The following UPP2 variants were observed in gnomAD, a reference collection of about 807,000 sequenced individuals.
The protein encoded by UPP2 is UPase 2.
UPP2 carries 23 observed loss-of-function variants against 26.7 expected under a neutral mutation model. The ratio of observed to expected loss-of-function variants is 0.86; its 90% CI spans 0.62 to 1.22. The LOEUF is 1.22. Among genes scored for constraint, UPP2 ranks in the 50% most tolerant of loss-of-function variants. The pLI is 0.00. For missense variants in UPP2, 387 were observed against 396.7 expected, an observed-to-expected ratio of 0.98 and a Z score of 0.21; for synonymous variants, 127 against 141.3, an observed-to-expected ratio of 0.90 and a Z score of 0.72.
At chr2:158,032,257 A>G (rs773959411) in intron 3 of UPP2, among the ~76,000 whole-genome samples, 1 of 152,196 alleles carries the variant, frequency 6.6e-6, no homozygotes, top group African/African-American at 2.4e-5. Flanking sequence ...GGAGTGGGTC[A>G]GGATGAAGTC....
chr2:158,063,601 C>CT (rs5835686), intron 3 of UPP2, among the ~76,000 whole-genome samples: 17 of 148,042 alleles, frequency 1.1e-4, no homozygotes, highest in South Asian at 2.1e-4. Flanking sequence ...ATTTTCTTTT[C>CT]TTTTTTTTTT....
intron 3 of UPP2, among the ~76,000 whole-genome samples, chr2:158,064,581 C>G (rs1219495875): frequency 6.6e-6 from 1 of 152,104 alleles, no homozygotes; most frequent in Non-Finnish European, 1.5e-5. Flanking sequence ...TGCAGAAGCT[C>G]TTTAGTTTAA....
chr2:158,070,753 C>A (rs773976409), intron 3 of UPP2, among the ~76,000 whole-genome samples: 1 of 152,208 alleles, frequency 6.6e-6, no homozygotes, highest in Non-Finnish European at 1.5e-5. Context: ...AACTTTATAT[C>A]ATTGAAAGAG....
intron 3 of UPP2, among the ~76,000 whole-genome samples, chr2:158,047,913 ATTTG>A (rs1204383585): frequency 3.3e-5 from 5 of 152,148 alleles, no homozygotes; most frequent in East Asian, 1.9e-4. Flanking sequence ...TTATTAGGAT[ATTTG>A]TTTGTTTGTG....
At chr2:158,103,082 T>C (rs1683108666) in intron 1 of UPP2, among the ~76,000 whole-genome samples, 1 of 152,182 alleles carries the variant, frequency 6.6e-6, no homozygotes, top group Non-Finnish European at 1.5e-5. Flanking sequence ...AAAAATTATA[T>C]ATTTTGGAAA....
chr2:158,054,976 G>A (rs527550145), intron 3 of UPP2, among the ~76,000 whole-genome samples: 4 of 152,054 alleles, frequency 2.6e-5, no homozygotes, highest in Non-Finnish European at 5.9e-5. Flanking sequence ...TCTCTCCCTA[G>A]CCCCTGACAA....
chr2:158,080,549 G>T lies in UPP2; in HGVS notation c.148-21491G>T, dbSNP rs528684291. 1.0e-3 allele frequency among the ~76,000 whole-genome samples: 158 copies of T among 152,172 alleles called. 1 individual carries two copies. The highest frequency in any genetic ancestry group is 3.6e-3 in the African/African-American group (149 of 41,522). Reference sequence around the variant, plus strand: ...TTTATCCACACACTGATTATACCCGGAACAATGCATCATTTGGTATATTGT... The same window carrying T: ...TTTATCCACACACTGATTATACCCGTAACAATGCATCATTTGGTATATTGT... On this transcript the variant is annotated intron_variant, in intron 3 of 9. Coordinates refer to the UPP2 transcript ENST00000605860.
chr2:158,079,741 G>A (rs559883361), intron 3 of UPP2, among the ~76,000 whole-genome samples: 1 of 152,086 alleles, frequency 6.6e-6, no homozygotes, highest in Non-Finnish European at 1.5e-5. Context: ...CAATGAGTGT[G>A]TTTCTGGCAG....
intron 3 of UPP2, among the ~76,000 whole-genome samples, chr2:158,094,571 A>G (rs6437129): frequency 0.71 from 107,986 of 152,064 alleles, 38,749 homozygotes; most frequent in African/African-American, 0.77. Context: ...CCTTAGAAAA[A>G]AAATTAATGG....
chr2:158,131,412 T>C (rs1264785295), intron 6 of UPP2, among the ~76,000 whole-genome samples: 1 of 152,120 alleles, frequency 6.6e-6, no homozygotes, highest in Non-Finnish European at 1.5e-5. Context: ...TTCCTAAGGA[T>C]TCATGAGTGA....
intron 1 of UPP2, among the ~76,000 whole-genome samples, chr2:158,102,463 C>T (rs2105210945): frequency 6.6e-6 from 1 of 152,240 alleles, no homozygotes; most frequent in East Asian, 1.9e-4. Flanking sequence ...AATTCTAAGA[C>T]CATGGGCTGC....
chr2:158,126,763 AG>A (rs2105231500), intron 6 of UPP2: 1 of 152,310 alleles, frequency 6.6e-6, no homozygotes, highest in Non-Finnish European at 1.5e-5. Flanking sequence ...GAAGTTAGAG[AG>A]GACATCTGAT....
chr2:158,075,110 T>A (rs1175322921), intron 3 of UPP2, among the ~76,000 whole-genome samples: 3 of 152,014 alleles, frequency 2.0e-5, no homozygotes, highest in African/African-American at 7.2e-5. Context: ...AAAATTGAAG[T>A]ACCCAGATAT....
intron 6 of UPP2, among the ~76,000 whole-genome samples, chr2:158,125,028 G>A (rs952332374): frequency 2.0e-5 from 3 of 152,188 alleles, no homozygotes; most frequent in Admixed American, 6.5e-5. Context: ...GATGACAAGA[G>A]GTCCTTGCTT....
chr2:158,035,360 T>C (rs1259653029), intron 3 of UPP2, among the ~76,000 whole-genome samples: 1 of 152,090 alleles, frequency 6.6e-6, no homozygotes, highest in Admixed American at 6.6e-5. Context: ...TTTCACCATG[T>C]TGGTCAGGCT....
chr2:158,056,551 C>A (rs1361079804), intron 3 of UPP2, among the ~76,000 whole-genome samples: 1 of 152,174 alleles, frequency 6.6e-6, no homozygotes, highest in African/African-American at 2.4e-5. Flanking sequence ...GGCTATGCTC[C>A]CTCTGAAACC....
In UPP2 at chr2:158,032,154, G is replaced by C. The variant is rs143099512; in HGVS notation, c.147+16268G>C. Among the ~76,000 whole-genome samples, 539 of 152,310 alleles carry C rather than the reference G, an allele frequency of 3.5e-3. 7 individuals are homozygous for C. Among genetic ancestry groups the C allele is most frequent in the African/African-American group, 0.012 (516 of 41,576 alleles). On this transcript the variant is annotated intron_variant, in intron 3 of 9. Coordinates refer to the UPP2 transcript ENST00000605860. ...GAATCCTGACAAAAATTGAGAGCTA[G>C]CAGCTGCTTGTAATGCAGCATTGGG...
At chr2:158,021,139 C>T (rs990508396) in intron 3 of UPP2, among the ~76,000 whole-genome samples, 5 of 152,160 alleles carry the variant, frequency 3.3e-5, no homozygotes, top group Non-Finnish European at 7.4e-5. Flanking sequence ...GAAACTGTAT[C>T]AAAACACAGG....
At chr2:158,111,595 G>C (rs963510547) in intron 2 of UPP2, among the ~76,000 whole-genome samples, 1 of 152,008 alleles carries the variant, frequency 6.6e-6, no homozygotes, top group African/African-American at 2.4e-5. Context: ...TTTGGATTTA[G>C]GTTTACCATT....
Sources: allele counts gnomAD v4.1 joint callset (sites outside exome capture counted in the v4.1 genomes callset), GRCh38; gene constraint gnomAD v4.1.1; transcripts MANE v1.5; gene names NCBI Gene and HGNC (gene_info 2026-07-23, HGNC 2026-07-21).